The following PRKG1 variants were observed in gnomAD, a reference collection of about 807,000 sequenced individuals.
PRKG1 encodes the protein protein kinase cGMP-dependent 1, also known as cGMP-dependent protein kinase 1.
In PRKG1, 35 loss-of-function variants were observed where a neutral mutation model predicts 88.1. The ratio of observed to expected loss-of-function variants is 0.40; its 90% CI spans 0.30 to 0.53. PRKG1 has a LOEUF of 0.53. Among genes scored for constraint, PRKG1 ranks in the 20% least tolerant of loss-of-function variants. The probability of loss-of-function intolerance (pLI) is 0.59; values close to 1 mark genes in which losing one functional copy is unlikely to be tolerated. For missense variants in PRKG1, 540 were observed against 839.8 expected, an observed-to-expected ratio of 0.64 and a Z score of 4.41; for synonymous variants, 303 against 292.5, an observed-to-expected ratio of 1.04 and a Z score of -0.37.
At chr10:51,202,076 C>G (rs1413862142) in intron 2 of PRKG1, among the ~76,000 whole-genome samples, 1 of 152,162 alleles carries the variant, frequency 6.6e-6, no homozygotes, top group Non-Finnish European at 1.5e-5. Flanking sequence ...GGTGCCCTCC[C>G]TGGACCTTCT....
At chr10:51,572,755 C>A (rs576793097) in intron 3 of PRKG1, among the ~76,000 whole-genome samples, 2 of 151,374 alleles carry the variant, frequency 1.3e-5, no homozygotes, top group African/African-American at 4.9e-5. Flanking sequence ...CTGATATGCA[C>A]GATAGCTTGA....
chr10:51,293,985 T>G (rs1433712776), intron 2 of PRKG1, among the ~76,000 whole-genome samples: 1 of 152,162 alleles, frequency 6.6e-6, no homozygotes, highest in Non-Finnish European at 1.5e-5. Context: ...ATGTTGAGCA[T>G]TTTTTCATAT....
chr10:51,102,157 A>G (rs771205161), intron 1 of PRKG1, among the ~76,000 whole-genome samples: 4 of 152,226 alleles, frequency 2.6e-5, no homozygotes, highest in Non-Finnish European at 4.4e-5. Flanking sequence ...AGTGACCTCA[A>G]AAGCATAAAA....
intron 4 of PRKG1, among the ~76,000 whole-genome samples, chr10:51,840,526 TTTA>T (rs1840246298): frequency 4.8e-5 from 7 of 145,672 alleles, no homozygotes; most frequent in Non-Finnish European, 7.6e-5. Context: ...ATTTTATTTA[TTTA>T]TTTATTTATT....
intron 5 of PRKG1, among the ~76,000 whole-genome samples, chr10:51,948,434 G>A (rs1194598523): frequency 1.3e-5 from 2 of 151,926 alleles, no homozygotes; most frequent in African/African-American, 4.8e-5. Context: ...ACAAAGAATA[G>A]GATAGAAAAT....
chr10:51,804,656 A>C lies in PRKG1; in HGVS notation c.664A>C (p.Ile222Leu). The change falls in exon 4 of 18, where the codon ATC (isoleucine) becomes CTC (leucine). Residue 222 changes from isoleucine to leucine, a missense_variant. Ile to Leu is a conservative substitution (Grantham distance 5). Coordinates refer to ENST00000373980, the MANE Select transcript of PRKG1 (RefSeq NM_006258.4). The part of the protein sequence containing the change: ...FQTIMMRTGL[I>L]KHTEYMEFLK... ...AACAATAATGATGAGGACAGGACTC[A>C]TCAAGCATACCGAGTATATGGAATT... 6.3e-7 allele frequency: 1 copy of C among 1,596,976 alleles called. No individual in the cohort carries two copies. Among genetic ancestry groups the C allele is most frequent in the Non-Finnish European group, 8.6e-7 (1 of 1,165,072 alleles).
chr10:51,288,392 C>G (rs1169270247), intron 2 of PRKG1, among the ~76,000 whole-genome samples: 3 of 151,998 alleles, frequency 2.0e-5, no homozygotes, highest in Non-Finnish European at 2.9e-5. Flanking sequence ...ATTTCCAAGG[C>G]CTGATTTTAT....
chr10:51,551,639 A>G (rs1589071183), intron 3 of PRKG1, among the ~76,000 whole-genome samples: 1 of 151,798 alleles, frequency 6.6e-6, no homozygotes, highest in Non-Finnish European at 1.5e-5. Flanking sequence ...GAAATATCCT[A>G]GATATTTTGA....
At chr10:52,003,025 C>T (rs1477692066) in intron 5 of PRKG1, among the ~76,000 whole-genome samples, 1 of 152,176 alleles carries the variant, frequency 6.6e-6, no homozygotes, top group East Asian at 1.9e-4. Flanking sequence ...ATTTACCGTT[C>T]TCAACTCTGT....
At chr10:51,149,730 C>T (rs918415254) in intron 1 of PRKG1, among the ~76,000 whole-genome samples, 7 of 152,086 alleles carry the variant, frequency 4.6e-5, no homozygotes, top group African/African-American at 1.2e-4. Flanking sequence ...CCAACTTGCA[C>T]TGGCTCATGT....
intron 3 of PRKG1, among the ~76,000 whole-genome samples, chr10:51,537,101 A>G (rs902831316): frequency 2.0e-5 from 3 of 152,184 alleles, no homozygotes; most frequent in African/African-American, 7.2e-5. Context: ...AATAGCAGCT[A>G]GATGTGCAAA....
At chr10:51,937,687 G>T (rs1024861480) in intron 5 of PRKG1, among the ~76,000 whole-genome samples, 1 of 151,916 alleles carries the variant, frequency 6.6e-6, no homozygotes, top group African/African-American at 2.4e-5. Context: ...AGAGACTTCT[G>T]GTCAGCATGC....
At chr10:51,506,523 T>A (rs1356958237) in intron 3 of PRKG1, among the ~76,000 whole-genome samples, 1 of 152,182 alleles carries the variant, frequency 6.6e-6, no homozygotes, top group Non-Finnish European at 1.5e-5. Flanking sequence ...AAAGAAGACA[T>A]TTATGCAGCC....
At chr10:52,185,386 C>T (rs1839168979) in intron 9 of PRKG1, among the ~76,000 whole-genome samples, 1 of 152,212 alleles carries the variant, frequency 6.6e-6, no homozygotes, top group Non-Finnish European at 1.5e-5. Flanking sequence ...GAAATGGTCT[C>T]CCAAGCCCAC....
intron 3 of PRKG1, among the ~76,000 whole-genome samples, chr10:51,776,057 T>C (rs1589277131): frequency 6.6e-6 from 1 of 152,112 alleles, no homozygotes; most frequent in Admixed American, 6.6e-5. Context: ...GTTTCCCCAC[T>C]GAAACAAAAA....
At chr10:51,395,762 G>A (rs1052567380) in intron 2 of PRKG1, among the ~76,000 whole-genome samples, 3 of 152,208 alleles carry the variant, frequency 2.0e-5, no homozygotes, top group African/African-American at 7.2e-5. Context: ...AGGGTTTTGA[G>A]ATGTGAGTGA....
intron 2 of PRKG1, among the ~76,000 whole-genome samples, chr10:51,413,590 A>C (rs908344940): frequency 6.6e-6 from 1 of 151,972 alleles, no homozygotes; most frequent in Non-Finnish European, 1.5e-5. Flanking sequence ...CGAACTCCTG[A>C]CCTCGTGATC....
intron 3 of PRKG1, among the ~76,000 whole-genome samples, chr10:51,753,686 A>G (rs1263488973): frequency 2.0e-5 from 3 of 152,180 alleles, no homozygotes; most frequent in African/African-American, 7.2e-5. Flanking sequence ...ACATTTTAAA[A>G]CCATCTATTC....
chr10:51,810,073 G>T (rs893700049), intron 4 of PRKG1, among the ~76,000 whole-genome samples: 62 of 152,076 alleles, frequency 4.1e-4, no homozygotes, highest in African/African-American at 1.4e-4. Flanking sequence ...CTGCCATAGT[G>T]GAAAATAGAA....
Sources: gnomAD v4.1 joint callset for allele counts (sites outside exome capture counted in the v4.1 genomes callset) on GRCh38, gnomAD v4.1.1 for gene constraint, MANE v1.5 for transcripts, NCBI Gene and HGNC (gene_info 2026-07-23, HGNC 2026-07-21) for gene names.